Variants in RALGAPA1 observed in about 807,000 individuals in gnomAD.
RALGAPA1 encodes the protein Ral GTPase activating protein catalytic subunit alpha 1.
In RALGAPA1, 52 loss-of-function variants were observed where a neutral mutation model predicts 269.6. The ratio of observed to expected loss-of-function variants is 0.19; its 90% CI spans 0.15 to 0.24. The LOEUF is 0.24. Among genes scored for constraint, RALGAPA1 ranks in the 10% least tolerant of loss-of-function variants. The probability of loss-of-function intolerance (pLI) is 1.00; values close to 1 mark genes in which losing one functional copy is unlikely to be tolerated. For missense variants in RALGAPA1, 1,917 were observed against 3,013.9 expected (o/e 0.64, Z 8.52); for synonymous variants, 817 against 1,008.3 (o/e 0.81, Z 3.60).
In RALGAPA1 at chr14:35,688,598, G is replaced by T; in HGVS notation, c.3813C>A (p.Gly1271=). The T allele has an allele frequency of 6.5e-7, 1 of 1,535,618 alleles. No homozygotes were observed. Among genetic ancestry groups the T allele is most frequent in the Non-Finnish European group, 8.7e-7 (1 of 1,146,798 alleles). ...EAGLQQGSLG[G]VYKTVVHALS... is the part of the protein sequence containing the mutation. ...GAGCATGTACAACAGTTTTATAAAC[G>T]CCACCCAGGGAGCCCTGCTGTAGTC... The change falls in exon 18 of 42, where the codon GGC becomes GGA. Residue 1271 remains glycine, a synonymous_variant. Transcript: ENST00000680220.
chr14:35,641,506 C>A (rs867294784), intron 31 of RALGAPA1, among the ~76,000 whole-genome samples: 2 of 151,912 alleles, frequency 1.3e-5, no homozygotes, highest in African/African-American at 4.8e-5. Context: ...CCAATAGCTA[C>A]AAATGAAATT....
intron 1 of RALGAPA1, among the ~76,000 whole-genome samples, chr14:35,798,218 C>T (rs1482470060): frequency 2.0e-5 from 3 of 150,164 alleles, no homozygotes; most frequent in African/African-American, 7.4e-5. Flanking sequence ...GTCGCCCAGG[C>T]TAGTGTGCAG....
At chr14:35,782,146 T>G (rs1241516769) in intron 1 of RALGAPA1, among the ~76,000 whole-genome samples, 1 of 152,148 alleles carries the variant, frequency 6.6e-6, no homozygotes, top group Non-Finnish European at 1.5e-5. Context: ...AATACAAGAT[T>G]AATAAGAAAA....
At chr14:35,703,534 T>C (rs1567043969) in intron 16 of RALGAPA1, among the ~76,000 whole-genome samples, 1 of 152,176 alleles carries the variant, frequency 6.6e-6, no homozygotes, top group Non-Finnish European at 1.5e-5. Context: ...CCTCCTTTTG[T>C]TGTTGTTTTT....
At chr14:35,637,345 T>G (rs760642241) in intron 31 of RALGAPA1, among the ~76,000 whole-genome samples, 2 of 152,102 alleles carry the variant, frequency 1.3e-5, no homozygotes, top group African/African-American at 2.4e-5. Flanking sequence ...TTCAGAATCC[T>G]ATGAGATAAA....
intron 35 of RALGAPA1, among the ~76,000 whole-genome samples, chr14:35,625,051 G>A (rs1594868283): frequency 6.6e-6 from 1 of 151,128 alleles, no homozygotes; most frequent in Non-Finnish European, 1.5e-5. Flanking sequence ...AAAGTTAGCC[G>A]GGTGTGGTGG....
chr14:35,698,778 C>A (rs1264568977), intron 17 of RALGAPA1, among the ~76,000 whole-genome samples: 1 of 152,004 alleles, frequency 6.6e-6, no homozygotes, highest in East Asian at 1.9e-4. Flanking sequence ...ACATTGTTTG[C>A]CAACTTAAGT....
In RALGAPA1 at chr14:35,757,123, T is replaced by TA. The variant is rs1567167426; in HGVS notation, c.548-216_548-215insT. ...TTATTTATTATTATTATTATTATTTTTTTTTTTTTTTTGAGACGGAGTCTC... is the reference window on the plus strand; with the variant it reads ...TTATTTATTATTATTATTATTATTTTATTTTTTTTTTTTGAGACGGAGTCTC... On this transcript the variant is annotated intron_variant, in intron 6 of 41. Transcript: ENST00000680220. Among the ~76,000 whole-genome samples the TA allele has an allele frequency of 2.9e-3, 424 of 144,442 alleles. 7 individuals are homozygous for TA. In the East Asian group the frequency reaches 0.041, roughly 14 times the overall value. The allele number at this position is 144,442 out of a possible 152,430, so 94.8% of individuals were successfully genotyped here.
chr14:35,609,928 C>CA (rs534206859), intron 35 of RALGAPA1, among the ~76,000 whole-genome samples: 1,523 of 58,372 alleles, frequency 0.026, 8 homozygotes, highest in Middle Eastern at 0.07. Context: ...ACCCTGTCTC[C>CA]AAAAAAAAAA....
intron 27 of RALGAPA1, 27 bp from the exon 28 acceptor site, chr14:35,659,223 G>A (rs1162713762): frequency 1.3e-6 from 2 of 1,551,884 alleles, no homozygotes; most frequent in African/African-American, 1.4e-5. Context: ...ATAGTTAACG[G>A]CAATGACTGA....
At chr14:35,593,274 A>G (rs2058739310) in intron 37 of RALGAPA1, among the ~76,000 whole-genome samples, 1 of 152,188 alleles carries the variant, frequency 6.6e-6, no homozygotes, top group Non-Finnish European at 1.5e-5. Context: ...TTAGAAATAA[A>G]TTAACCAAGG....
intron 1 of RALGAPA1, among the ~76,000 whole-genome samples, chr14:35,787,123 T>C (rs574444371): frequency 8.3e-4 from 127 of 152,354 alleles, no homozygotes; most frequent in African/African-American, 2.9e-3. Context: ...GATTCTCTTT[T>C]ACTATACCAT....
At position 35,742,521 on chromosome 14, in the gene RALGAPA1, C is replaced by G; in HGVS notation, c.1296G>C (p.Val432=). The G allele has an allele frequency of 6.2e-7, 1 of 1,608,948 alleles. No individual in the cohort carries two copies. The highest frequency in any genetic ancestry group is 8.5e-7 in the Non-Finnish European group (1 of 1,176,348). The change falls in exon 11 of 42, where the codon GTG becomes GTC. Residue 432 remains valine (V), a synonymous_variant. Coordinates refer to ENST00000680220, the MANE Select transcript of RALGAPA1 (RefSeq NM_001346249.2). ...GGATCCATTCTTGATATACTTTTAC[C>G]ACTTTTCTCATAGCTGCTGCTTCAC... ...PICEAAAMRK[V]VKVYQEWIQQ...
chr14:35,696,524 A>G (rs2140537454), intron 17 of RALGAPA1, among the ~76,000 whole-genome samples: 1 of 152,294 alleles, frequency 6.6e-6, no homozygotes, highest in East Asian at 1.9e-4. Context: ...TAGAACAAGA[A>G]CACTGGAGGA....
chr14:35,738,382 T>G, intron 12 of RALGAPA1, 131 bp downstream of exon 12: 1 of 510,700 alleles, frequency 2.0e-6, no homozygotes, highest in East Asian at 3.5e-5. Flanking sequence ...AAGGAAAAAA[T>G]AAAATATGGC....
chr14:35,662,874 G>A (rs2063633076), intron 27 of RALGAPA1, among the ~76,000 whole-genome samples: 1 of 143,324 alleles, frequency 7.0e-6, no homozygotes, highest in Admixed American at 7.7e-5. Flanking sequence ...GTGTGTCACT[G>A]GAAATTTGCA....
At chr14:35,712,667 C>A (rs943105884) in intron 16 of RALGAPA1, among the ~76,000 whole-genome samples, 2 of 152,158 alleles carry the variant, frequency 1.3e-5, no homozygotes, top group South Asian at 4.1e-4. Context: ...CCACTGCACC[C>A]AGCACATTTT....
At chr14:35,552,605 T>C (rs1053493194) in intron 39 of RALGAPA1, among the ~76,000 whole-genome samples, 4 of 151,858 alleles carry the variant, frequency 2.6e-5, no homozygotes, top group Non-Finnish European at 4.4e-5. Context: ...TAAGTTGAAG[T>C]AAGCAGATTT....
At chr14:35,683,037 G>C (rs1435118674) in intron 21 of RALGAPA1, among the ~76,000 whole-genome samples, 1 of 152,190 alleles carries the variant, frequency 6.6e-6, no homozygotes, top group African/African-American at 2.4e-5. Context: ...GCAAGTTCCA[G>C]CCAACCACAA....
Sources: allele counts gnomAD v4.1 joint callset (sites outside exome capture counted in the v4.1 genomes callset), GRCh38; gene constraint gnomAD v4.1.1; transcripts MANE v1.5; gene names NCBI Gene and HGNC (gene_info 2026-07-23, HGNC 2026-07-21).